PAX7: variants seen among roughly 807,000 people sequenced by gnomAD.
PAX7 encodes the protein paired box 7.
PAX7 carries 18 observed loss-of-function variants against 50.7 expected under a neutral mutation model. That is an observed-to-expected ratio of 0.36 (90% CI 0.25 to 0.53). PAX7 has a LOEUF of 0.53. PAX7 is among the 20% of genes least tolerant of loss of function. The pLI, the probability that PAX7 is intolerant of heterozygous loss-of-function variation, is 0.93. For missense variants in PAX7, 644 were observed against 702.9 expected (o/e 0.92, Z 0.95); for synonymous variants, 310 against 290.4 (o/e 1.07, Z -0.69).
At position 18,735,222 on chromosome 1, in the gene PAX7, G is replaced by A. The variant is rs1417553664; in HGVS notation, c.1156-410G>A. 1.3e-5 allele frequency among the ~76,000 whole-genome samples: 2 copies of A among 152,186 alleles called. No homozygotes were observed. Among genetic ancestry groups the A allele is most frequent in the Non-Finnish European group, 2.9e-5 (2 of 68,030 alleles). ...GGGGCCATCCCAGTCTGATGGGGGA[G>A]GCACAGTTCTCTGAGCTTGGAGAAC... On this transcript the variant is annotated intron_variant, in intron 7 of 8. Transcript: ENST00000420770. The surrounding 1 kb of genome is among the most constrained non-coding windows in gnomAD (Gnocchi z 4.0).
In PAX7 at chr1:18,634,236, A is replaced by G. The variant is rs75216429; in HGVS notation, c.86-67A>G. On this transcript the variant is annotated intron_variant, in intron 1 of 8. Transcript: ENST00000420770. This position sits in a 1 kb window ranked among gnomAD's most constrained non-coding sequence, Gnocchi z 4.0. ...AAACAAAACTGGAGTCAGGGAGTGT[A>G]CTCAGTGTCTGCTCTCCATCCTCAC... 8.3e-3 allele frequency: 10,650 copies of G among 1,281,000 alleles called. 627 individuals are homozygous for G. The African/African-American group carries it at 0.13, about 16-fold the overall frequency. 79.4% of individuals were successfully genotyped at this position (1,281,000 alleles called of 1,614,324 possible). A position where few individuals can be genotyped will look rare whatever the true frequency, so the allele number is the denominator to read the frequency against.
At chr1:18,710,933 G>A (rs1438107932) in intron 7 of PAX7, among the ~76,000 whole-genome samples, 2 of 152,226 alleles carry the variant, frequency 1.3e-5, no homozygotes, top group Admixed American at 1.3e-4. Context: ...CTCCGGCTTA[G>A]CAGGTTGTAG....
chr1:18,634,326 C>T lies in PAX7; in HGVS notation c.109C>T (p.Arg37Trp), dbSNP rs748780342. Reference protein sequence around the residue: ...LEVSTPLGQGRVNQLGGVFIN... With the variant: ...LEVSTPLGQGWVNQLGGVFIN... ...AGTGTCCACCCCGCTTGGCCAAGGC[C>T]GGGTCAATCAGCTGGGAGGGGTCTT... The change falls in exon 2 of 9, where the codon CGG (arginine) becomes TGG (tryptophan). Residue 37 changes from arginine to tryptophan, a missense_variant. By Grantham distance (101) the Arg-to-Trp change is moderately radical. Transcript: ENST00000420770. This position sits in a 1 kb window ranked among gnomAD's most constrained non-coding sequence, Gnocchi z 4.0. 4 of 1,613,866 alleles carry T rather than the reference C, an allele frequency of 2.5e-6. No individual in the cohort carries two copies. Among genetic ancestry groups the T allele is most frequent in the East Asian group, 2.2e-5 (1 of 44,876 alleles).
At chr1:18,715,461 T>C (rs900704837) in intron 7 of PAX7, among the ~76,000 whole-genome samples, 1 of 152,250 alleles carries the variant, frequency 6.6e-6, no homozygotes, top group Non-Finnish European at 1.5e-5. Context: ...ATTTAATCGT[T>C]ATAACATCCC....
At position 18,700,707 on chromosome 1, in the gene PAX7, C is replaced by A; in HGVS notation, c.841C>A (p.Leu281Met). Reference sequence around the variant, plus strand: ...GCGTAAGCAGGCAGGAGCCAACCAGCTGGCGGCGTTCAACCACCTTCTGCC... The same window carrying A: ...GCGTAAGCAGGCAGGAGCCAACCAGATGGCGGCGTTCAACCACCTTCTGCC... The part of the protein sequence containing the change: ...RWRKQAGANQ[L>M]AAFNHLLPGG... Residue 281 changes from leucine to methionine, a missense_variant, in exon 6 of 9, where the codon CTG becomes ATG. By Grantham distance (15) the Leu-to-Met change is conservative. Transcript: ENST00000420770. This position sits in a 1 kb window ranked among gnomAD's most constrained non-coding sequence, Gnocchi z 4.8. 6.2e-7 allele frequency: 1 copy of A among 1,601,694 alleles called. No homozygotes were observed. The highest frequency in any genetic ancestry group is 1.7e-5 in the Admixed American group (1 of 58,360).
At position 18,747,838 on chromosome 1, in the gene PAX7, C is replaced by T. The variant is rs1444775277; in HGVS notation, c.*2909C>T. 5.2e-6 allele frequency: 1 copy of T among 190,858 alleles called. No homozygotes were observed. Among genetic ancestry groups the T allele is most frequent in the Non-Finnish European group, 1.1e-5 (1 of 91,066 alleles). The allele number at this position is 190,858 out of a possible 1,614,324, so 11.8% of individuals were successfully genotyped here. On this transcript the variant is annotated 3_prime_UTR_variant, in exon 9 of 9. Coordinates refer to ENST00000420770, the MANE Select transcript of PAX7 (RefSeq NM_001135254.2). ...ATATACTAAAAAAGGAAAGAAATCC[C>T]CCACAGTGTGTGTCGTGCTAGTGCC... is the stretch of plus-strand genomic sequence containing the variant.
At chr1:18,642,598 C>A (rs1280285743) in intron 4 of PAX7, among the ~76,000 whole-genome samples, 1 of 152,150 alleles carries the variant, frequency 6.6e-6, no homozygotes, top group African/African-American at 2.4e-5. Context: ...GATTAGGATG[C>A]CCCCCTCAGT....
chr1:18,712,169 T>G (rs1261921491), intron 7 of PAX7, among the ~76,000 whole-genome samples: 2 of 152,266 alleles, frequency 1.3e-5, no homozygotes, highest in East Asian at 1.9e-4. Context: ...CAGTGTGAAC[T>G]GACGGTCGCT....
Position 18,631,642 on chromosome 1 carries a change from G to T in PAX7, c.39G>T (p.Arg13=), listed in dbSNP as rs548308018. 6.2e-7 allele frequency: 1 copy of T among 1,613,278 alleles called. No homozygotes were observed. The highest frequency in any genetic ancestry group is 1.3e-5 in the African/African-American group (1 of 75,056). ...CCGGCACGGTACCGAGAATGATGCGGCCGGCTCCGGGGCAGAACTACCCCC... is the reference window on the plus strand; with the variant it reads ...CCGGCACGGTACCGAGAATGATGCGTCCGGCTCCGGGGCAGAACTACCCCC... ...ALPGTVPRMM[R]PAPGQNYPRT... Residue 13 remains arginine, a synonymous_variant, in exon 1 of 9, where the codon CGG becomes CGT. Transcript: ENST00000420770.
At chr1:18,737,525 T>TA (rs1439059119) in intron 8 of PAX7, among the ~76,000 whole-genome samples, 1 of 152,288 alleles carries the variant, frequency 6.6e-6, no homozygotes, top group Non-Finnish European at 1.5e-5. Flanking sequence ...TGGGACATGT[T>TA]ACAATTCTTG....
At chr1:18,694,383 C>A (rs1454596836) in intron 5 of PAX7, among the ~76,000 whole-genome samples, 1 of 151,318 alleles carries the variant, frequency 6.6e-6, no homozygotes. Context: ...CGCTTGAACT[C>A]GGTAGGTGGA....
chr1:18,747,309 T>A lies in PAX7; in HGVS notation c.*2380T>A, dbSNP rs1931483107. 4.4e-6 allele frequency: 1 copy of A among 229,372 alleles called. No individual in the cohort carries two copies. 14.2% of individuals were successfully genotyped at this position (229,372 alleles called of 1,614,324 possible). On this transcript the variant is annotated 3_prime_UTR_variant, in exon 9 of 9. Transcript: ENST00000420770. ...CCGATGGTGAAATGGAACAAAGACC[T>A]GCTTGGGAATAAACCAAATGATTTC...
chr1:18,669,896 C>A (rs1436013246), intron 4 of PAX7, among the ~76,000 whole-genome samples: 1 of 152,008 alleles, frequency 6.6e-6, no homozygotes, highest in Non-Finnish European at 1.5e-5. Flanking sequence ...CCAGTCTGGC[C>A]AACATGGTGA....
chr1:18,634,228 G>T lies in PAX7; in HGVS notation c.86-75G>T. On this transcript the variant is annotated intron_variant, in intron 1 of 8. Coordinates refer to ENST00000420770, the MANE Select transcript of PAX7 (RefSeq NM_001135254.2). This position sits in a 1 kb window ranked among gnomAD's most constrained non-coding sequence, Gnocchi z 4.0. ...GCTCAAACAAACAAAACTGGAGTCA[G>T]GGAGTGTACTCAGTGTCTGCTCTCC... 6 of 1,203,346 alleles carry T rather than the reference G, an allele frequency of 5.0e-6. No homozygotes were observed. The highest frequency in any genetic ancestry group is 5.9e-6 in the Non-Finnish European group (5 of 843,426). The allele number at this position is 1,203,346 out of a possible 1,614,324, so 74.5% of individuals were successfully genotyped here. A position where few individuals can be genotyped will look rare whatever the true frequency, so the allele number is the denominator to read the frequency against.
chr1:18,714,742 C>T (rs950457984), intron 7 of PAX7, among the ~76,000 whole-genome samples: 7 of 152,202 alleles, frequency 4.6e-5, no homozygotes, highest in African/African-American at 1.4e-4. Flanking sequence ...TCCAGATCTG[C>T]GGGCAGGGCT....
At chr1:18,740,076 T>G (rs1931039932) in intron 8 of PAX7, among the ~76,000 whole-genome samples, 1 of 152,100 alleles carries the variant, frequency 6.6e-6, no homozygotes, top group African/African-American at 2.4e-5. Context: ...TTAATCTAAT[T>G]TGAGACATTT....
chr1:18,713,987 G>A (rs1256964901), intron 7 of PAX7, among the ~76,000 whole-genome samples: 2 of 152,208 alleles, frequency 1.3e-5, no homozygotes, highest in Non-Finnish European at 2.9e-5. Context: ...AAGGCGGGTG[G>A]ATCACTTGAG....
rs2282711 is a variant in PAX7, at chr1:18,640,955, T to A, written c.586+4584T>A. On this transcript the variant is annotated intron_variant, in intron 4 of 8. Transcript: ENST00000420770. ...GCGAGGGGCCGAGCCCACACTGGGC[T>A]GACAAGGCTCCCCTTTTCTTCCCTC... Among the ~76,000 whole-genome samples, 68 of 152,270 alleles carry A rather than the reference T, an allele frequency of 4.5e-4. No individual in the cohort carries two copies. The East Asian group carries it at 8.2e-3, about 18-fold the overall frequency.
At chr1:18,711,369 C>A (rs2089349561) in intron 7 of PAX7, among the ~76,000 whole-genome samples, 1 of 152,198 alleles carries the variant, frequency 6.6e-6, no homozygotes, top group Admixed American at 6.5e-5. Context: ...CTCGTCACAC[C>A]CCCCTCACCT....
Sources: allele counts gnomAD v4.1 joint callset (sites outside exome capture counted in the v4.1 genomes callset), GRCh38; gene constraint gnomAD v4.1.1; non-coding constraint Gnocchi (gnomAD v3.1); transcripts MANE v1.5; gene names NCBI Gene and HGNC (gene_info 2026-07-23, HGNC 2026-07-21).